The following TMEM178B variants were observed in gnomAD, a reference collection of about 807,000 sequenced individuals.
TMEM178B encodes the protein transmembrane protein 178B.
A neutral mutation model predicts 31.0 loss-of-function variants in TMEM178B; 5 were observed. The ratio of observed to expected loss-of-function variants is 0.16; its 90% CI spans 0.08 to 0.34. TMEM178B has a LOEUF of 0.34. TMEM178B is among the 10% of genes least tolerant of loss of function. The probability of loss-of-function intolerance (pLI) is 1.00; values close to 1 mark genes in which losing one functional copy is unlikely to be tolerated. For missense variants in TMEM178B, 275 were observed against 400.3 expected (o/e 0.69, Z 2.67); for synonymous variants, 164 against 164.0 (o/e 1.00, Z 0.00).
At chr7:141,507,116 GTGTC>G in the TMEM178B span, among the ~76,000 whole-genome samples, 1 of 152,200 alleles carries the variant, frequency 6.6e-6, no homozygotes, top group Non-Finnish European at 1.5e-5. Flanking sequence ...CTGGCATTGA[GTGTC>G]TGCAGCTTTT....
intron 2 of TMEM178B, among the ~76,000 whole-genome samples, chr7:141,364,380 G>A (rs184544219): frequency 6.6e-6 from 1 of 152,248 alleles, no homozygotes; most frequent in East Asian, 1.9e-4. Flanking sequence ...AAAAGTTGGG[G>A]CTGGGCACGG....
intron 3 of TMEM178B, among the ~76,000 whole-genome samples, chr7:141,448,793 G>A (rs976874706): frequency 1.3e-5 from 2 of 152,114 alleles, no homozygotes; most frequent in South Asian, 2.1e-4. Context: ...CTGGGACCCC[G>A]ACACCCTGAG....
At chr7:141,338,216 G>A (rs577943413) in intron 2 of TMEM178B, among the ~76,000 whole-genome samples, 1 of 152,328 alleles carries the variant, frequency 6.6e-6, no homozygotes, top group African/African-American at 2.4e-5. Flanking sequence ...ACAAAGGGAA[G>A]GAAAGTAGAA....
chr7:141,081,682 A>G (rs1794689094), intron 1 of TMEM178B, among the ~76,000 whole-genome samples: 2 of 152,172 alleles, frequency 1.3e-5, no homozygotes, highest in South Asian at 4.1e-4. Flanking sequence ...ATACAGTTGT[A>G]AAGTTAAAAG....
chr7:141,417,966 T>C lies in TMEM178B; in HGVS notation c.497-19642T>C, dbSNP rs555470152. On this transcript the variant is annotated intron_variant, in intron 2 of 3. Coordinates refer to ENST00000565468, the MANE Select transcript of TMEM178B (RefSeq NM_001195278.2). ...TCCAGACAGTCTGACTCCAAAGCAGTGTCCTTTACCGCTGAACTCTGCTGT... is the reference window on the plus strand; with the variant it reads ...TCCAGACAGTCTGACTCCAAAGCAGCGTCCTTTACCGCTGAACTCTGCTGT... Among the ~76,000 whole-genome samples, 93 of 152,228 alleles carry C rather than the reference T, an allele frequency of 6.1e-4. No individual in the cohort carries two copies. The South Asian group carries it at 0.018, about 30-fold the overall frequency.
intron 1 of TMEM178B, among the ~76,000 whole-genome samples, chr7:141,199,907 T>C (rs1036515135): frequency 2.0e-5 from 3 of 152,062 alleles, no homozygotes; most frequent in Non-Finnish European, 4.4e-5. Context: ...AAAAATTAGC[T>C]GGGCGTAGTG....
intron 2 of TMEM178B, among the ~76,000 whole-genome samples, chr7:141,386,627 G>A (rs1381130747): frequency 1.3e-5 from 2 of 152,172 alleles, no homozygotes; most frequent in Admixed American, 6.5e-5. Flanking sequence ...ACATTCTCGG[G>A]TTTTAAACAT....
At chr7:141,386,372 C>T (rs1432895758) in intron 2 of TMEM178B, among the ~76,000 whole-genome samples, 2 of 152,198 alleles carry the variant, frequency 1.3e-5, no homozygotes, top group African/African-American at 4.8e-5. Context: ...AATCTGCTCT[C>T]AGGAACTTTG....
At chr7:141,303,342 A>G (rs1253484247) in intron 2 of TMEM178B, among the ~76,000 whole-genome samples, 1 of 152,210 alleles carries the variant, frequency 6.6e-6, no homozygotes, top group Non-Finnish European at 1.5e-5. Flanking sequence ...AGCATCTTCC[A>G]TGAATAGTTG....
At chr7:141,179,685 G>A (rs890493015) in intron 1 of TMEM178B, among the ~76,000 whole-genome samples, 2 of 152,210 alleles carry the variant, frequency 1.3e-5, no homozygotes, top group African/African-American at 4.8e-5. Flanking sequence ...AGCACCATAT[G>A]AAGGGTGAGG....
intron 2 of TMEM178B, among the ~76,000 whole-genome samples, chr7:141,338,391 C>T (rs1232277052): frequency 2.0e-5 from 3 of 152,066 alleles, no homozygotes; most frequent in Non-Finnish European, 4.4e-5. Context: ...ATCAAAGCAG[C>T]ATATAAAAGC....
At chr7:141,454,643 T>C (rs376822866) in intron 3 of TMEM178B, among the ~76,000 whole-genome samples, 66 of 147,378 alleles carry the variant, frequency 4.5e-4, no homozygotes, top group African/African-American at 1.6e-3. Context: ...CACCCACCAA[T>C]ATGAGTCAAC....
intron 3 of TMEM178B, among the ~76,000 whole-genome samples, chr7:141,466,315 C>G (rs1480158243): frequency 6.6e-6 from 1 of 152,192 alleles, no homozygotes; most frequent in African/African-American, 2.4e-5. Flanking sequence ...TCTATTAGTA[C>G]AGCAGAACAG....
At chr7:141,372,334 A>G (rs1859575) in intron 2 of TMEM178B, among the ~76,000 whole-genome samples, 55,402 of 151,868 alleles carry the variant, frequency 0.36, 10,329 homozygotes, top group African/African-American at 0.41. Context: ...CTCGGGACAC[A>G]CAGATCTCCA....
the TMEM178B span, among the ~76,000 whole-genome samples, chr7:141,496,037 G>A: frequency 6.6e-6 from 1 of 152,038 alleles, no homozygotes; most frequent in African/African-American, 2.4e-5. Context: ...TTGGGGATTC[G>A]GCCATTCTCT....
intron 3 of TMEM178B, among the ~76,000 whole-genome samples, chr7:141,459,270 C>A (rs1014046282): frequency 3.9e-5 from 6 of 152,162 alleles, no homozygotes; most frequent in Non-Finnish European, 8.8e-5. Flanking sequence ...TTCAGGTGAT[C>A]CACCGCCTCG....
chr7:141,346,666 T>C (rs1165354318), intron 2 of TMEM178B, among the ~76,000 whole-genome samples: 1 of 152,152 alleles, frequency 6.6e-6, no homozygotes, highest in Non-Finnish European at 1.5e-5. Flanking sequence ...GCTTTTTTTT[T>C]TGGAGTCCTC....
At chr7:141,394,496 A>G (rs1169955117) in intron 2 of TMEM178B, among the ~76,000 whole-genome samples, 2 of 152,214 alleles carry the variant, frequency 1.3e-5, no homozygotes, top group African/African-American at 4.8e-5. Flanking sequence ...CAGTTTCCTG[A>G]TCTATAGGAT....
chr7:141,101,908 CGTGTGTGTGTGTGTGTGT>C (rs3032868), intron 1 of TMEM178B, among the ~76,000 whole-genome samples: 1 of 142,710 alleles, frequency 7.0e-6, no homozygotes, highest in Non-Finnish European at 1.6e-5. Context: ...TGTGTGTTAA[CGTGTGTGTGTGTGTGTGT>C]GTGTGTGTGT....
Sources: gnomAD v4.1 joint callset for allele counts (sites outside exome capture counted in the v4.1 genomes callset) on GRCh38, gnomAD v4.1.1 for gene constraint, MANE v1.5 for transcripts, NCBI Gene and HGNC (gene_info 2026-07-23, HGNC 2026-07-21) for gene names.